WARS1: variants seen among roughly 807,000 people sequenced by gnomAD.
WARS1 encodes the protein tryptophan--tRNA ligase, cytoplasmic.
A neutral mutation model predicts 47.8 loss-of-function variants in WARS1; 17 were observed. That is an observed-to-expected ratio of 0.36 (90% CI 0.24 to 0.53). WARS1 has a LOEUF of 0.53. Among genes scored for constraint, WARS1 ranks in the 20% least tolerant of loss-of-function variants. The pLI, the probability that WARS1 is intolerant of heterozygous loss-of-function variation, is 0.91. For missense variants in WARS1, 434 were observed against 608.0 expected, an observed-to-expected ratio of 0.71 and a Z score of 3.01; for synonymous variants, 208 against 228.1, an observed-to-expected ratio of 0.91 and a Z score of 0.79.
intron 4 of WARS1, among the ~76,000 whole-genome samples, chr14:100,355,589 G>A (rs576176428): frequency 4.6e-5 from 7 of 152,260 alleles, no homozygotes; most frequent in African/African-American, 9.6e-5. Flanking sequence ...ACCAACGCTC[G>A]AGGATGAATG....
chr14:100,370,181 A>AGG (rs1271201758), intron 1 of WARS1, among the ~76,000 whole-genome samples: 4 of 152,088 alleles, frequency 2.6e-5, no homozygotes, highest in African/African-American at 9.7e-5. Context: ...TTATTTAACT[A>AGG]CAAGCCTTTG....
intron 6 of WARS1, among the ~76,000 whole-genome samples, chr14:100,351,211 A>G (rs1894957383): frequency 1.3e-5 from 2 of 152,096 alleles, no homozygotes; most frequent in Non-Finnish European, 2.9e-5. Context: ...GTGGTGTGGG[A>G]AGAGGATAGC....
chr14:100,343,246 TAG>T, intron 8 of WARS1, 27 bp downstream of exon 8: 1 of 1,576,788 alleles, frequency 6.3e-7, no homozygotes, highest in South Asian at 1.1e-5. Flanking sequence ...GCCCCAGACT[TAG>T]AGAGCCTTGC....
Position 100,361,928 on chromosome 14 carries a change from G to C in WARS1, c.100-7C>G. On this transcript the variant is annotated splice_polypyrimidine_tract_variant and splice_region_variant and intron_variant, in intron 2 of 10. Coordinates refer to ENST00000392882, the MANE Select transcript of WARS1 (RefSeq NM_004184.4). ...CTGCAGAATCAATTTCATCCTGAGA[G>C]AGGAAATAAAAGGGATGGCTAAAAG... 1 of 1,613,846 alleles carries C rather than the reference G, an allele frequency of 6.2e-7. No homozygotes were observed. The highest frequency in any genetic ancestry group is 8.5e-7 in the Non-Finnish European group (1 of 1,179,860).
At chr14:100,344,398 A>C (rs1383683364) in intron 7 of WARS1, among the ~76,000 whole-genome samples, 2 of 152,188 alleles carry the variant, frequency 1.3e-5, no homozygotes, top group African/African-American at 2.4e-5. Flanking sequence ...AATGGTGCCC[A>C]GGCTGGAGTG....
chr14:100,372,658 G>A (rs187692402), intron 1 of WARS1, among the ~76,000 whole-genome samples: 17 of 152,342 alleles, frequency 1.1e-4, no homozygotes, highest in African/African-American at 4.1e-4. Flanking sequence ...TCAAACTCAT[G>A]AAAATTACTT....
At chr14:100,345,415 AT>A (rs1894533884) in intron 7 of WARS1, among the ~76,000 whole-genome samples, 1 of 152,202 alleles carries the variant, frequency 6.6e-6, no homozygotes, top group African/African-American at 2.4e-5. Flanking sequence ...GGTTAAATGG[AT>A]TAAGGGCGGT....
intron 2 of WARS1, among the ~76,000 whole-genome samples, chr14:100,368,214 T>A (rs868731331): frequency 3.9e-5 from 6 of 152,214 alleles, no homozygotes; most frequent in African/African-American, 1.4e-4. Context: ...ATTAGTATCA[T>A]TGACATAAAA....
intron 9 of WARS1, among the ~76,000 whole-genome samples, chr14:100,337,652 A>G (rs1893836539): frequency 6.9e-6 from 1 of 145,336 alleles, no homozygotes. Context: ...GGAGGTCAAG[A>G]CCAGTCTGGG....
chr14:100,362,010 A>C, intron 2 of WARS1, 89 bp from the exon 3 acceptor site: 1 of 1,357,748 alleles, frequency 7.4e-7, no homozygotes, highest in Non-Finnish European at 1.0e-6. Flanking sequence ...ACTGTGTTAA[A>C]TGCTTTTACA....
At chr14:100,344,616 G>A (rs1181658884) in intron 7 of WARS1, among the ~76,000 whole-genome samples, 3 of 148,848 alleles carry the variant, frequency 2.0e-5, no homozygotes, top group South Asian at 2.1e-4. Flanking sequence ...CTGCCCGGCC[G>A]CCATCCCATC....
chr14:100,371,615 G>T (rs1279925060), intron 1 of WARS1, among the ~76,000 whole-genome samples: 1 of 151,922 alleles, frequency 6.6e-6, no homozygotes, highest in Non-Finnish European at 1.5e-5. Context: ...TGTACCTGTA[G>T]TCCCAGCTAC....
rs534502452 is a variant in WARS1, at chr14:100,344,526, G to A, written c.827-1139C>T. ...CCACCCCGTCTGGGAAGTGAGGAGC[G>A]TCTCTGCCTGGCCGCCCATCGTCTG... On this transcript the variant is annotated intron_variant, in intron 7 of 10. Transcript: ENST00000392882. Among the ~76,000 whole-genome samples the A allele has an allele frequency of 2.7e-4, 41 of 152,192 alleles. No individual in the cohort carries two copies. In the East Asian group the frequency reaches 7.4e-3, roughly 27 times the overall value.
intron 2 of WARS1, among the ~76,000 whole-genome samples, chr14:100,363,901 T>C (rs1895798905): frequency 6.6e-6 from 1 of 152,044 alleles, no homozygotes. Context: ...GCTGGGATTA[T>C]AGGCATGAGC....
intron 4 of WARS1, among the ~76,000 whole-genome samples, chr14:100,355,000 GA>G (rs1003575569): frequency 8.5e-5 from 13 of 152,176 alleles, no homozygotes; most frequent in African/African-American, 3.1e-4. Flanking sequence ...GCTTAGCAGG[GA>G]AAGTAAGAAT....
At chr14:100,375,896 G>T (rs930745040), upstream of WARS1, 1 of 152,268 alleles carries the variant, frequency 6.6e-6, no homozygotes, top group African/African-American at 2.4e-5. Context: ...TCTGTGGAAT[G>T]GGCATGGAGA....
intron 9 of WARS1, among the ~76,000 whole-genome samples, chr14:100,338,180 C>T (rs1237283747): frequency 6.6e-6 from 1 of 152,154 alleles, no homozygotes; most frequent in Non-Finnish European, 1.5e-5. Flanking sequence ...TAAAGATAAT[C>T]ACGGGGTAAT....
chr14:100,358,490 T>A (rs1457755155), intron 4 of WARS1, among the ~76,000 whole-genome samples: 3 of 152,030 alleles, frequency 2.0e-5, no homozygotes, highest in Admixed American at 6.6e-5. Context: ...AGCAAAAGAA[T>A]GAAGTTGGAG....
In WARS1 at chr14:100,335,940, G is replaced by A. The variant is rs138498913; in HGVS notation, c.1255-904C>T. Among the ~76,000 whole-genome samples, 926 of 151,730 alleles carry A rather than the reference G, an allele frequency of 6.1e-3. 6 individuals carry two copies. The highest frequency in any genetic ancestry group is 0.01 in the Middle Eastern group (3 of 292). On this transcript the variant is annotated intron_variant, in intron 10 of 10. Coordinates refer to ENST00000392882, the MANE Select transcript of WARS1 (RefSeq NM_004184.4). ...TGGTATCCTTTTTTCACTATCATAG[G>A]CATATTTTCCTGTGTCACTAAAACT...
Sources: gnomAD v4.1 joint callset for allele counts (sites outside exome capture counted in the v4.1 genomes callset) on GRCh38, gnomAD v4.1.1 for gene constraint, MANE v1.5 for transcripts, NCBI Gene and HGNC (gene_info 2026-07-23, HGNC 2026-07-21) for gene names.